The following SORL1 variants were observed in gnomAD, a reference collection of about 807,000 sequenced individuals.
SORL1 encodes sortilin related receptor 1.
In SORL1, 127 loss-of-function variants were observed where a neutral mutation model predicts 273.7. The observed-to-expected ratio is 0.46, with a 90% CI of 0.40 to 0.54. SORL1 has a LOEUF of 0.54. Among genes scored for constraint, SORL1 ranks in the 20% least tolerant of loss-of-function variants. The probability of loss-of-function intolerance (pLI) is 0.00; values close to 1 mark genes in which losing one functional copy is unlikely to be tolerated. For missense variants in SORL1, 2,494 were observed against 2,846.1 expected, an observed-to-expected ratio of 0.88 and a Z score of 2.81; for synonymous variants, 1,031 against 1,067.4, an observed-to-expected ratio of 0.97 and a Z score of 0.66.
chr11:121,504,801 T>C (rs1385596849), intron 6 of SORL1, among the ~76,000 whole-genome samples: 1 of 152,176 alleles, frequency 6.6e-6, no homozygotes, highest in Non-Finnish European at 1.5e-5. Flanking sequence ...TTCAGTCTTA[T>C]TAAGTATGAT....
chr11:121,578,966 G>T (rs567908665), intron 25 of SORL1, among the ~76,000 whole-genome samples: 8 of 152,322 alleles, frequency 5.3e-5, no homozygotes, highest in African/African-American at 1.9e-4. Flanking sequence ...GGAAGCTTTG[G>T]GTTTGGATGG....
chr11:121,613,348 C>T (rs1056887242), intron 40 of SORL1, among the ~76,000 whole-genome samples: 4 of 152,180 alleles, frequency 2.6e-5, no homozygotes, highest in African/African-American at 9.7e-5. Context: ...GCTAAAATTC[C>T]TCTATCTAAG....
At chr11:121,549,862 A>T (rs1010053267) in intron 14 of SORL1, 98 bp from the exon 15 acceptor site, 3 of 1,014,822 alleles carry the variant, frequency 3.0e-6, no homozygotes, top group Non-Finnish European at 4.3e-6. Context: ...AACTTATAAT[A>T]AAAGTGAAAA....
intron 32 of SORL1, among the ~76,000 whole-genome samples, chr11:121,601,738 T>G (rs1267152602): frequency 1.3e-5 from 2 of 152,186 alleles, no homozygotes; most frequent in Non-Finnish European, 1.5e-5. Flanking sequence ...CTAAAGCCCA[T>G]GCTTTTTTGC....
At chr11:121,572,960 C>T (rs1005520377) in intron 23 of SORL1, among the ~76,000 whole-genome samples, 6 of 152,332 alleles carry the variant, frequency 3.9e-5, no homozygotes, top group Admixed American at 2.0e-4. Flanking sequence ...ACCCCTCCCC[C>T]GTGCCAGCAT....
At chr11:121,609,969 C>T (rs548503809) in intron 38 of SORL1, 1 of 152,312 alleles carries the variant, frequency 6.6e-6, no homozygotes, top group African/African-American at 2.4e-5. Context: ...TTACCATATG[C>T]AGCACTCGCA....
rs1400411883 is a variant in SORL1, at chr11:121,629,544, T to TC, written c.6630dup (p.Met2211HisfsTer21). ...ATGATAACTGGATTTTCAGATGACG[T>TC]CCCCATGGTGATAGCCTGAAAGAGC... On this transcript the variant is annotated frameshift_variant, in exon 48 of 48. Coordinates refer to ENST00000260197, the MANE Select transcript of SORL1 (RefSeq NM_003105.6). LOFTEE classifies it high-confidence loss of function. 6.4e-7 allele frequency: 1 copy of TC among 1,568,080 alleles called. No individual in the cohort carries two copies. The highest frequency in any genetic ancestry group is 8.8e-7 in the Non-Finnish European group (1 of 1,137,946).
At chr11:121,493,334 G>T (rs1031527751) in intron 5 of SORL1, among the ~76,000 whole-genome samples, 3 of 152,140 alleles carry the variant, frequency 2.0e-5, no homozygotes, top group Non-Finnish European at 4.4e-5. Context: ...TTGGCTCACA[G>T]CAACCTCTGC....
chr11:121,608,976 T>G (rs7101373), intron 38 of SORL1: 17,214 of 152,226 alleles, frequency 0.11, 2,073 homozygotes, highest in African/African-American at 0.31. Flanking sequence ...TTTTCTCTAC[T>G]CTATCACGGG....
At position 121,590,261 on chromosome 11, in the gene SORL1, T is replaced by G; in HGVS notation, c.4213+87T>G. 3 of 1,395,596 alleles carry G rather than the reference T, an allele frequency of 2.1e-6. No individual in the cohort carries two copies. The South Asian group carries it at 4.3e-5, about 20-fold the overall frequency. 86.5% of individuals were successfully genotyped at this position (1,395,596 alleles called of 1,614,324 possible). ...AGCTATGCAGGATGTGCCTGGCTGA[T>G]TCCGTGTTTTGGGGGGCATATTTTT... On this transcript the variant is annotated intron_variant, in intron 30 of 47. Coordinates refer to ENST00000260197, the MANE Select transcript of SORL1 (RefSeq NM_003105.6).
chr11:121,534,118 T>C (rs903471297), intron 12 of SORL1, among the ~76,000 whole-genome samples: 2 of 152,236 alleles, frequency 1.3e-5, no homozygotes, highest in Non-Finnish European at 2.9e-5. Context: ...GAAACAATTG[T>C]AGTGTTTGGT....
chr11:121,478,180 C>T lies in SORL1; in HGVS notation c.465C>T (p.Gly155=), dbSNP rs762475683. ...AAATTTCAGACAAGTTAAACTTTGG[C>T]TTGGGAAATAGGAGTGAAGCTGTTA... ...FKKISDKLNF[G]LGNRSEAVIA... Residue 155 remains glycine, a synonymous_variant, in exon 3 of 48, where the codon GGC becomes GGT. Coordinates refer to ENST00000260197, the MANE Select transcript of SORL1 (RefSeq NM_003105.6). 6.2e-7 allele frequency: 1 copy of T among 1,614,110 alleles called. No individual in the cohort carries two copies. The highest frequency in any genetic ancestry group is 8.5e-7 in the Non-Finnish European group (1 of 1,180,012).
At chr11:121,486,286 T>A (rs1258129500) in intron 3 of SORL1, among the ~76,000 whole-genome samples, 1 of 152,270 alleles carries the variant, frequency 6.6e-6, no homozygotes, top group Middle Eastern at 3.4e-3. Flanking sequence ...CAGGTGTGCA[T>A]GCGAGGCCTT....
intron 23 of SORL1, among the ~76,000 whole-genome samples, chr11:121,571,146 C>A (rs763723090): frequency 1.3e-5 from 2 of 152,194 alleles, no homozygotes; most frequent in African/African-American, 4.8e-5. Context: ...ACGGGCACTG[C>A]GATGCGGAAG....
Position 121,606,596 on chromosome 11 carries a change from G to T in SORL1, c.4949-249G>T, listed in dbSNP as rs150232985. On this transcript the variant is annotated intron_variant, in intron 35 of 47. Transcript: ENST00000260197. ...CCTGCCCAAGTGATTCTATCCTGCAGCCCTTATGAGCCACAAATTTACCAC... is the reference window on the plus strand; with the variant it reads ...CCTGCCCAAGTGATTCTATCCTGCATCCCTTATGAGCCACAAATTTACCAC... Among the ~76,000 whole-genome samples, 156 of 152,276 alleles carry T rather than the reference G, an allele frequency of 1.0e-3. 1 individual carries two copies. The highest frequency in any genetic ancestry group is 3.5e-3 in the African/African-American group (146 of 41,554).
rs966784487 is a variant in SORL1 at position 121,596,366 on chromosome 11, G to A, written c.4519+594G>A. Reference sequence around the variant, plus strand: ...GTGTTTGGTCCTCTGATGAACCCAGGGAGGATCTTTGCAGTGAGTGATGGA... The same window carrying A: ...GTGTTTGGTCCTCTGATGAACCCAGAGAGGATCTTTGCAGTGAGTGATGGA... On this transcript the variant is annotated intron_variant, in intron 32 of 47. Transcript: ENST00000260197. The surrounding 1 kb of genome is among the most constrained non-coding windows in gnomAD (Gnocchi z 4.3). Among the ~76,000 whole-genome samples, 2 of 152,174 alleles carry A rather than the reference G, an allele frequency of 1.3e-5. No homozygotes were observed. The highest frequency in any genetic ancestry group is 2.9e-5 in the Non-Finnish European group (2 of 68,020).
intron 1 of SORL1, among the ~76,000 whole-genome samples, chr11:121,454,615 C>T (rs1483873429): frequency 6.6e-6 from 1 of 152,186 alleles, no homozygotes; most frequent in Non-Finnish European, 1.5e-5. Context: ...TTCTCTGTGG[C>T]TGCCTTCCTA....
intron 26 of SORL1, among the ~76,000 whole-genome samples, chr11:121,584,870 A>G (rs1863070857): frequency 6.6e-6 from 1 of 152,230 alleles, no homozygotes; most frequent in Non-Finnish European, 1.5e-5. Flanking sequence ...CTGCGATTAT[A>G]GGCACGAGCC....
Position 121,555,249 on chromosome 11 carries a change from A to G in SORL1, c.2502A>G (p.Val834=), listed in dbSNP as rs753846804. ...TCATCAATTCTGGCCTGGAGACAGT[A>G]GAAGCTTTGGCTTTTGAACCCCTCA... ...EVIINSGLET[V]EALAFEPLSQ... The change falls in exon 18 of 48, where the codon GTA becomes GTG. Residue 834 remains valine, a synonymous_variant. Coordinates refer to ENST00000260197, the MANE Select transcript of SORL1 (RefSeq NM_003105.6). 1 of 1,614,128 alleles carries G rather than the reference A, an allele frequency of 6.2e-7. No individual in the cohort carries two copies. The highest frequency in any genetic ancestry group is 1.3e-5 in the African/African-American group (1 of 75,060).
Sources: allele counts gnomAD v4.1 joint callset (sites outside exome capture counted in the v4.1 genomes callset), GRCh38; gene constraint gnomAD v4.1.1; non-coding constraint Gnocchi (gnomAD v3.1); transcripts MANE v1.5; gene names NCBI Gene and HGNC (gene_info 2026-07-23, HGNC 2026-07-21).